Variants in HR observed in about 807,000 individuals in gnomAD.
The protein encoded by HR is HR lysine demethylase and nuclear receptor corepressor, also known as lysine-specific demethylase hairless.
HR carries 83 observed loss-of-function variants against 128.6 expected under a neutral mutation model. The ratio of observed to expected loss-of-function variants is 0.65; its 90% CI spans 0.54 to 0.77. The LOEUF (loss-of-function observed/expected upper bound fraction) is 0.77. HR is among the 30% of genes least tolerant of loss of function. The pLI is 0.00. For synonymous variants in HR, 681 were observed against 658.2 expected (o/e 1.03, Z -0.53); for missense variants, 1,490 against 1,574.6 (o/e 0.95, Z 0.91).
At chr8:22,125,240 T>G (rs1826853558) in intron 5 of HR, 71 bp downstream of exon 5, 2 of 1,480,568 alleles carry the variant, frequency 1.4e-6, no homozygotes, top group Non-Finnish European at 1.8e-6. Context: ...GCAGTGTGGG[T>G]GGGGTCAGGG....
In HR at chr8:22,129,166, T is replaced by A. The variant is rs764107963; in HGVS notation, c.5A>T (p.Glu2Val). The A allele has an allele frequency of 5.2e-6, 8 of 1,532,072 alleles. No homozygotes were observed. The highest frequency in any genetic ancestry group is 7.0e-6 in the Non-Finnish European group (8 of 1,143,490). 94.9% of individuals were successfully genotyped at this position (1,532,072 alleles called of 1,614,324 possible). MESTPSFLKGTP... is the reference protein window; with the variant it reads MVSTPSFLKGTP... ...GCCCTTCAGGAAGCTGGGCGTACTCTCCATCACTCTCCTGCCCTCATGGGG... is the reference window on the plus strand; with the variant it reads ...GCCCTTCAGGAAGCTGGGCGTACTCACCATCACTCTCCTGCCCTCATGGGG... The change falls in exon 2 of 19, where the codon GAG (glutamate) becomes GTG (valine). Residue 2 changes from glutamate to valine, a missense_variant. Glu to Val is a moderately radical substitution (Grantham distance 121). This residue lies in a region of HR where 1,060 missense variants were observed against 1,060.9 expected (regional missense o/e 1.00). Transcript: ENST00000381418.
In HR at chr8:22,116,276, C is replaced by T; in HGVS notation, c.3507+24G>A. 1 of 1,611,444 alleles carries T rather than the reference C, an allele frequency of 6.2e-7. No homozygotes were observed. Among genetic ancestry groups the T allele is most frequent in the South Asian group, 1.1e-5 (1 of 90,952 alleles). ...TGGGAGGCTTGGGTAGCACACCCAG[C>T]CTGCTGGCCCACATCCCACTCACCT... On this transcript the variant is annotated intron_variant, in intron 18 of 18. Transcript: ENST00000381418. This position sits in a 1 kb window ranked among gnomAD's most constrained non-coding sequence, Gnocchi z 4.2.
chr8:22,119,941 C>A (rs1826692799), intron 13 of HR, 51 bp from the exon 14 acceptor site: 1 of 1,611,114 alleles, frequency 6.2e-7, no homozygotes, highest in African/African-American at 1.3e-5. Flanking sequence ...GCACCAGAGA[C>A]CCCATCAAAG....
intron 6 of HR, 33 bp downstream of exon 6, chr8:22,123,616 A>AGGGGGGGCCCC: frequency 1.2e-5 from 7 of 562,348 alleles, no homozygotes; most frequent in South Asian, 2.2e-5. Context: ...TGAGGGCTCC[A>AGGGGGGGCCCC]TCCCGCCCTC....
chr8:22,128,031 C>G (rs559195834), intron 2 of HR: 13 of 649,922 alleles, frequency 2.0e-5, no homozygotes, highest in Admixed American at 4.6e-5. Context: ...ATTTCTCAGA[C>G]GTCCCCACAA....
chr8:22,118,018 C>T (rs1247897940), intron 16 of HR: 3 of 152,276 alleles, frequency 2.0e-5, no homozygotes, highest in African/African-American at 4.8e-5. Context: ...AGTGACTGCC[C>T]ACGGCCAGCC....
intron 11 of HR, 37 bp downstream of exon 11, chr8:22,120,679 T>TG (rs1826721658): frequency 1.3e-6 from 2 of 1,501,140 alleles, no homozygotes; most frequent in Non-Finnish European, 1.8e-6. Flanking sequence ...GCAGGTGGGG[T>TG]GGCCAGGGCC....
chr8:22,123,617 T>TTGGGGGCG, intron 6 of HR, 32 bp downstream of exon 6: 7 of 292,092 alleles, frequency 2.4e-5, no homozygotes, highest in African/African-American at 5.6e-5. Flanking sequence ...GAGGGCTCCA[T>TTGGGGGCG]CCCGCCCTCC....
chr8:22,122,912 A>C (rs921702289), intron 6 of HR, 33 bp from the exon 7 acceptor site: 6 of 1,541,932 alleles, frequency 3.9e-6, no homozygotes, highest in Non-Finnish European at 5.3e-6. Flanking sequence ...CTGCAGGTCC[A>C]GAAATCAAGG....
intron 5 of HR, among the ~76,000 whole-genome samples, chr8:22,125,074 C>A (rs562966435): frequency 4.6e-5 from 7 of 152,350 alleles, no homozygotes; most frequent in African/African-American, 1.4e-4. Context: ...GGAGCTCCCC[C>A]ACCTCCCAGT....
chr8:22,127,342 C>A lies in HR; in HGVS notation c.1100G>T (p.Gly367Val). The A allele has an allele frequency of 6.2e-7, 1 of 1,613,390 alleles. No homozygotes were observed. Among genetic ancestry groups the A allele is most frequent in the Non-Finnish European group, 8.5e-7 (1 of 1,180,044 alleles). ...EPSEEVNKAS[G>V]PRACPPSHHT... ...GTGGCTGGGGGGACAGGCCCTGGGGCCAGAGGCCTTGTTCACTTCCTCGCT... is the reference window on the plus strand; with the variant it reads ...GTGGCTGGGGGGACAGGCCCTGGGGACAGAGGCCTTGTTCACTTCCTCGCT... The change falls in exon 3 of 19, where the codon GGC becomes GTC. Residue 367 changes from glycine (G) to valine (V), a missense_variant. Transcript: ENST00000381418.
In HR at chr8:22,119,806, C is replaced by T. The variant is rs1293384544; in HGVS notation, c.2931G>A (p.Pro977=). ...GKLNLASYLP[P]GLALRPLEPQ... is the part of the protein sequence containing the mutation. ...GCTCCAGTGGACGCAGGGCAAGGCC[C>T]GGTGGGAGGTAGGAAGCCAGGTTGA... Residue 977 remains proline, a synonymous_variant, in exon 14 of 19, where the codon CCG becomes CCA. Coordinates refer to ENST00000381418, the MANE Select transcript of HR (RefSeq NM_005144.5). 8.7e-6 allele frequency: 14 copies of T among 1,613,626 alleles called. 1 individual carries two copies. The highest frequency in any genetic ancestry group is 1.2e-5 in the Non-Finnish European group (14 of 1,179,902).
At chr8:22,115,877 T>C in intron 18 of HR, 115 bp from the exon 19 acceptor site, 1 of 1,047,484 alleles carries the variant, frequency 9.5e-7, no homozygotes, top group Non-Finnish European at 1.4e-6. Context: ...ACACCTGTAA[T>C]CCCAGCACTT....
intron 5 of HR, 22 bp from the exon 6 acceptor site, chr8:22,123,835 G>A (rs769844705): frequency 1.4e-5 from 23 of 1,586,444 alleles, no homozygotes; most frequent in Non-Finnish European, 1.9e-5. Context: ...GGAGAGAACA[G>A]GGTCAGAGGG....
At chr8:22,126,530 C>G (rs529329693) in intron 3 of HR, among the ~76,000 whole-genome samples, 2 of 152,358 alleles carry the variant, frequency 1.3e-5, no homozygotes, top group East Asian at 3.9e-4. Flanking sequence ...AATCCCCAAA[C>G]AGGGATTTGT....
rs1353153304 is a variant in HR, at chr8:22,120,702, G to C, written c.2610+14C>G. 6.7e-7 allele frequency: 1 copy of C among 1,502,312 alleles called. No individual in the cohort carries two copies. Among genetic ancestry groups the C allele is most frequent in the Non-Finnish European group, 8.9e-7 (1 of 1,127,818 alleles). The allele number at this position is 1,502,312 out of a possible 1,614,324, so 93.1% of individuals were successfully genotyped here. A position where few individuals can be genotyped will look rare whatever the true frequency, so the allele number is the denominator to read the frequency against. On this transcript the variant is annotated intron_variant, in intron 11 of 18. Transcript: ENST00000381418. ...GGTGGCCAGGGCCGGGAGGGGAGGG[G>C]AGGGGTGCCTCACCTGGCCCTGCCT...
intron 7 of HR, 75 bp downstream of exon 7, chr8:22,122,715 A>G (rs1191512753): frequency 2.7e-6 from 4 of 1,477,872 alleles, no homozygotes; most frequent in Non-Finnish European, 3.7e-6. Context: ...CACTGGGGGG[A>G]GGGACAATCA....
chr8:22,125,332 G>C lies in HR; in HGVS notation c.1729C>G (p.Leu577Val). 1.3e-6 allele frequency: 2 copies of C among 1,589,020 alleles called. No individual in the cohort carries two copies. The highest frequency in any genetic ancestry group is 8.6e-7 in the Non-Finnish European group (1 of 1,168,506). ...TCACCTTCCCGCTGGGCCCAAGCCA[G>C]GGCCTCCCGCTCCCTCCGCAGCAGG... ...CRLLRREREA[L>V]AWAQREGQGP... The change falls in exon 5 of 19, where the codon CTG becomes GTG. Residue 577 changes from leucine to valine, a missense_variant. Transcript: ENST00000381418.
chr8:22,123,999 G>A (rs1474702138), intron 5 of HR, among the ~76,000 whole-genome samples, 186 bp from the exon 6 acceptor site: 1 of 152,140 alleles, frequency 6.6e-6, no homozygotes, highest in African/African-American at 2.4e-5. Flanking sequence ...GCCCTGTCGA[G>A]AGCCTCCTTG....
Sources: gnomAD v4.1 joint callset for allele counts (sites outside exome capture counted in the v4.1 genomes callset) on GRCh38, gnomAD v4.1.1 for gene constraint, gnomAD v4.1.1 regional missense constraint, Gnocchi (gnomAD v3.1) non-coding constraint, MANE v1.5 for transcripts, NCBI Gene and HGNC (gene_info 2026-07-23, HGNC 2026-07-21) for gene names.